Variants in GAREM2 observed in about 807,000 individuals in gnomAD.
GAREM2 encodes GRB2-associated and regulator of MAPK protein 2.
In GAREM2, 30 loss-of-function variants were observed where a neutral mutation model predicts 55.6. The ratio of observed to expected loss-of-function variants is 0.54; its 90% CI spans 0.40 to 0.73. The LOEUF (loss-of-function observed/expected upper bound fraction) is 0.73. GAREM2 is among the 30% of genes least tolerant of loss of function. The probability of loss-of-function intolerance (pLI) is 0.00; values close to 1 mark genes in which losing one functional copy is unlikely to be tolerated. For missense variants in GAREM2, 1,075 were observed against 1,257.7 expected, an observed-to-expected ratio of 0.85 and a Z score of 2.20; for synonymous variants, 550 against 569.1, an observed-to-expected ratio of 0.97 and a Z score of 0.48.
intron 2 of GAREM2, among the ~76,000 whole-genome samples, chr2:26,177,395 T>C (rs1232995976): frequency 6.6e-6 from 1 of 152,218 alleles, no homozygotes; most frequent in Non-Finnish European, 1.5e-5. Context: ...GCCGAACATT[T>C]TTGCCATTTC....
At chr2:26,204,086 CG>C in the GAREM2 span, 1 of 1,613,982 alleles carries the variant, frequency 6.2e-7, no homozygotes, top group Non-Finnish European at 8.5e-7. Context: ...TTGCTGTCCT[CG>C]GTCTAGCGCA....
At chr2:26,176,889 G>C (rs1668881842) in intron 2 of GAREM2, among the ~76,000 whole-genome samples, 1 of 152,070 alleles carries the variant, frequency 6.6e-6, no homozygotes, top group Non-Finnish European at 1.5e-5. Context: ...AGAAACCAGC[G>C]AATGCCCAAG....
At chr2:26,202,203 T>C in the GAREM2 span, among the ~76,000 whole-genome samples, 1 of 152,276 alleles carries the variant, frequency 6.6e-6, no homozygotes, top group Admixed American at 6.5e-5. Flanking sequence ...TTACATAAAA[T>C]ATTAACTCAA....
chr2:26,196,851 A>G, the GAREM2 span, among the ~76,000 whole-genome samples: 1 of 152,210 alleles, frequency 6.6e-6, no homozygotes, highest in African/African-American at 2.4e-5. Flanking sequence ...CAGACTGTCC[A>G]TCTGTAGACT....
downstream of GAREM2, among the ~76,000 whole-genome samples, chr2:26,189,995 C>T (rs989072667): frequency 2.6e-5 from 4 of 152,252 alleles, no homozygotes; most frequent in Admixed American, 6.5e-5. Context: ...GGCAGAATGC[C>T]GGCTTCAGGC....
Position 26,187,747 on chromosome 2 carries a change from G to A in GAREM2, c.2115G>A (p.Glu705=). 1 of 1,455,744 alleles carries A rather than the reference G, an allele frequency of 6.9e-7. No individual in the cohort carries two copies. The highest frequency in any genetic ancestry group is 9.1e-7 in the Non-Finnish European group (1 of 1,098,926). The allele number at this position is 1,455,744 out of a possible 1,614,324, so 90.2% of individuals were successfully genotyped here. A position where few individuals can be genotyped will look rare whatever the true frequency, so the allele number is the denominator to read the frequency against. ...EPVLEPFDPF[E]LGQGSSPEPE... ...TCCTGGAGCCCTTCGATCCCTTTGA[G>A]CTGGGGCAGGGCAGTTCTCCAGAGC... The change falls in exon 6 of 6, where the codon GAG becomes GAA. Residue 705 remains glutamate, a synonymous_variant. Coordinates refer to ENST00000401533, the MANE Select transcript of GAREM2 (RefSeq NM_001168241.2).
chr2:26,182,209 C>T (rs147071913), intron 2 of GAREM2: 39 of 1,373,248 alleles, frequency 2.8e-5, no homozygotes, highest in Admixed American at 9.5e-5. Context: ...CAATCACTTC[C>T]GTAAAGTCTG....
chr2:26,187,593 C>G lies in GAREM2; in HGVS notation c.1961C>G (p.Ser654Trp). ...TTGTCTTCTGGGCCCAGAACCACCT[C>G]GGGTCCTGTGGCTACCTCTGGCCCT... ...AALSSGPRTT[S>W]GPVATSGPAY... The change falls in exon 6 of 6, where the codon TCG becomes TGG. Residue 654 changes from serine (S) to tryptophan (W), a missense_variant. Physicochemically the swap from Ser to Trp is radical, Grantham distance 177. This residue lies in a region of GAREM2 where 515 missense variants were observed against 501.5 expected (regional missense o/e 1.03). Coordinates refer to ENST00000401533, the MANE Select transcript of GAREM2 (RefSeq NM_001168241.2). 1 of 1,549,480 alleles carries G rather than the reference C, an allele frequency of 6.5e-7. No individual in the cohort carries two copies.
At position 26,184,433 on chromosome 2, in the gene GAREM2, G is replaced by T; in HGVS notation, c.585G>T (p.Ala195=). 4 of 1,473,650 alleles carry T rather than the reference G, an allele frequency of 2.7e-6. No individual in the cohort carries two copies. Among genetic ancestry groups the T allele is most frequent in the Non-Finnish European group, 2.7e-6 (3 of 1,110,860 alleles). The allele number at this position is 1,473,650 out of a possible 1,614,324, so 91.3% of individuals were successfully genotyped here. The change falls in exon 4 of 6, where the codon GCG becomes GCT. Residue 195 remains alanine (A), a synonymous_variant. Transcript: ENST00000401533. ...TGGGCGGCGGCGGCCCAGCGAGCGC[G>T]GGGGCCGCGGGAGGCACTGGCGGCG... is the stretch of plus-strand genomic sequence containing the variant. ...AGVGGGGPAS[A]GAAGGTGGGG...
downstream of GAREM2, among the ~76,000 whole-genome samples, chr2:26,194,198 G>A (rs1300240805): frequency 1.3e-5 from 2 of 152,142 alleles, no homozygotes; most frequent in Admixed American, 6.5e-5. Context: ...GAATGACCTC[G>A]ATGGCTACTG....
In GAREM2 at chr2:26,184,877, C is replaced by T. The variant is rs1396385301; in HGVS notation, c.1029C>T (p.Asp343=). 5 of 1,463,960 alleles carry T rather than the reference C, an allele frequency of 3.4e-6. No individual in the cohort carries two copies. Among genetic ancestry groups the T allele is most frequent in the Non-Finnish European group, 4.5e-6 (5 of 1,117,126 alleles). 90.7% of individuals were successfully genotyped at this position (1,463,960 alleles called of 1,614,324 possible). A position where few individuals can be genotyped will look rare whatever the true frequency, so the allele number is the denominator to read the frequency against. The change falls in exon 4 of 6, where the codon GAC becomes GAT. Residue 343 remains aspartate (D), a synonymous_variant. Coordinates refer to ENST00000401533, the MANE Select transcript of GAREM2 (RefSeq NM_001168241.2). The stretch of plus-strand genomic sequence containing the variant: ...CGCGCGTCGAGCGCCTGGTGCGCGA[C>T]AGCGCCTCCTACTGCCGCGAGCGCT... ...GDPRVERLVR[D]SASYCRERFD...
downstream of GAREM2, chr2:26,193,814 C>T (rs1669584060): frequency 1.3e-6 from 2 of 1,494,882 alleles, no homozygotes; most frequent in African/African-American, 1.4e-5. Context: ...GAAGGGCAGC[C>T]CAAATCCCCC....
rs937081463 is a variant in GAREM2, at chr2:26,173,189, C to T, written c.-32C>T. 1.1e-4 allele frequency: 106 copies of T among 987,072 alleles called. No homozygotes were observed. The highest frequency in any genetic ancestry group is 1.4e-4 in the Non-Finnish European group (105 of 766,558). 61.1% of individuals were successfully genotyped at this position (987,072 alleles called of 1,614,324 possible). ...GGCCGCGCGGGACTGACCGTCGGGG[C>T]CCCGGGACGGCGGCCCCGGGGCGCC... On this transcript the variant is annotated 5_prime_UTR_variant, in exon 1 of 6. Transcript: ENST00000401533.
rs1466959224 is a variant in GAREM2, at chr2:26,188,278, C to T, written c.*21C>T. 7.0e-7 allele frequency: 1 copy of T among 1,424,788 alleles called. No individual in the cohort carries two copies. Among genetic ancestry groups the T allele is most frequent in the Non-Finnish European group, 9.3e-7 (1 of 1,079,088 alleles). 88.3% of individuals were successfully genotyped at this position (1,424,788 alleles called of 1,614,324 possible). On this transcript the variant is annotated 3_prime_UTR_variant, in exon 6 of 6. Coordinates refer to ENST00000401533, the MANE Select transcript of GAREM2 (RefSeq NM_001168241.2). ...TCTGAACTGCCCAGCTGGAGCTGCA[C>T]AGCTGGAATGCTGGTATGGGGGCCC...
chr2:26,197,310 T>C, the GAREM2 span, among the ~76,000 whole-genome samples: 1 of 152,182 alleles, frequency 6.6e-6, no homozygotes, highest in Admixed American at 6.5e-5. Flanking sequence ...CCACCATTCC[T>C]GCCATTCCCT....
At chr2:26,193,490 C>G (rs537946034), downstream of GAREM2, 2 of 1,125,846 alleles carry the variant, frequency 1.8e-6, no homozygotes, top group Non-Finnish European at 2.7e-6. Context: ...CTTTCTTCCA[C>G]GAGGGCTTCT....
At chr2:26,191,925 C>A (rs776468565), downstream of GAREM2, among the ~76,000 whole-genome samples, 34 of 152,188 alleles carry the variant, frequency 2.2e-4, no homozygotes, top group Admixed American at 1.6e-3. Context: ...TAATAAAGAT[C>A]TGGGAGGGTG....
chr2:26,197,808 A>C, the GAREM2 span: 21 of 1,090,966 alleles, frequency 1.9e-5, no homozygotes, highest in African/African-American at 3.1e-4. Flanking sequence ...ACAATGTGTC[A>C]GGTAGGCCTG....
downstream of GAREM2, chr2:26,193,462 G>T: frequency 1.1e-6 from 1 of 891,668 alleles, no homozygotes; most frequent in Non-Finnish European, 1.9e-6. Flanking sequence ...CAGTGATAAG[G>T]GCTCTGTGTT....
Sources: gnomAD v4.1 joint callset for allele counts (sites outside exome capture counted in the v4.1 genomes callset) on GRCh38, gnomAD v4.1.1 for gene constraint, gnomAD v4.1.1 regional missense constraint, MANE v1.5 for transcripts, NCBI Gene and HGNC (gene_info 2026-07-23, HGNC 2026-07-21) for gene names.